CTNNBL1: variants seen among roughly 807,000 people sequenced by gnomAD.
CTNNBL1 encodes the protein beta-catenin-like protein 1.
A neutral mutation model predicts 72.7 loss-of-function variants in CTNNBL1; 31 were observed. The observed-to-expected ratio is 0.43, with a 90% CI of 0.32 to 0.58. The LOEUF is 0.58. CTNNBL1 is among the 20% of genes least tolerant of loss of function. The probability of loss-of-function intolerance (pLI) is 0.08; values close to 1 mark genes in which losing one functional copy is unlikely to be tolerated. For missense variants in CTNNBL1, 534 were observed against 725.1 expected (o/e 0.74, Z 3.03); for synonymous variants, 240 against 267.3 (o/e 0.90, Z 1.00).
chr20:37,843,264 G>GT (rs1267620202), intron 13 of CTNNBL1, among the ~76,000 whole-genome samples: 3 of 152,290 alleles, frequency 2.0e-5, no homozygotes, highest in Non-Finnish European at 4.4e-5. Context: ...TTGTGATCTT[G>GT]TTTTGCTGCA....
At chr20:37,710,213 A>G (rs1202569275) in intron 1 of CTNNBL1, among the ~76,000 whole-genome samples, 1 of 152,186 alleles carries the variant, frequency 6.6e-6, no homozygotes, top group African/African-American at 2.4e-5. Flanking sequence ...ACCTTTTGAA[A>G]TCTGGAAAGC....
chr20:37,815,277 A>G (rs1387474752), intron 11 of CTNNBL1, among the ~76,000 whole-genome samples: 1 of 150,572 alleles, frequency 6.6e-6, no homozygotes, highest in East Asian at 2.0e-4. Flanking sequence ...AGCAGTTTGG[A>G]GAGGTGAGCT....
chr20:37,704,883 T>G (rs1286472011), intron 1 of CTNNBL1, among the ~76,000 whole-genome samples: 1 of 152,238 alleles, frequency 6.6e-6, no homozygotes, highest in Non-Finnish European at 1.5e-5. Context: ...ACAGGTCTTC[T>G]TACTAAGTTG....
At chr20:37,716,650 G>T (rs2072988894) in intron 1 of CTNNBL1, among the ~76,000 whole-genome samples, 1 of 152,078 alleles carries the variant, frequency 6.6e-6, no homozygotes, top group African/African-American at 2.4e-5. Context: ...TGTCTTTGAT[G>T]GACCCATCAA....
intron 13 of CTNNBL1, among the ~76,000 whole-genome samples, chr20:37,844,840 C>T (rs555187865): frequency 2.0e-5 from 3 of 152,212 alleles, no homozygotes; most frequent in Admixed American, 6.5e-5. Flanking sequence ...CCCAGTTACT[C>T]GGGAGGCTGA....
intron 11 of CTNNBL1, among the ~76,000 whole-genome samples, chr20:37,821,331 C>A (rs1036071884): frequency 6.6e-6 from 1 of 152,176 alleles, no homozygotes; most frequent in Non-Finnish European, 1.5e-5. Context: ...CTATGCCTTA[C>A]GCGTGGGGGT....
At chr20:37,790,169 C>T (rs2073711107) in intron 10 of CTNNBL1, among the ~76,000 whole-genome samples, 1 of 152,076 alleles carries the variant, frequency 6.6e-6, no homozygotes, top group South Asian at 2.1e-4. Flanking sequence ...TTTCGCAGGC[C>T]CAATTCTGGA....
chr20:37,793,092 A>G (rs1266223704), intron 10 of CTNNBL1, among the ~76,000 whole-genome samples: 2 of 152,188 alleles, frequency 1.3e-5, no homozygotes, highest in Non-Finnish European at 2.9e-5. Context: ...GTATACTTGA[A>G]TATGTATTTG....
intron 11 of CTNNBL1, among the ~76,000 whole-genome samples, chr20:37,813,480 C>T (rs1238724852): frequency 1.3e-5 from 2 of 152,112 alleles, no homozygotes; most frequent in African/African-American, 4.8e-5. Flanking sequence ...TGATAGTTTC[C>T]GCTAATTAGC....
At chr20:37,840,867 G>A (rs1206519905) in intron 12 of CTNNBL1, among the ~76,000 whole-genome samples, 2 of 151,966 alleles carry the variant, frequency 1.3e-5, no homozygotes, top group Non-Finnish European at 2.9e-5. Flanking sequence ...TCGGGCTATG[G>A]AAGCTGGGAA....
chr20:37,857,626 G>C (rs1358526620), intron 13 of CTNNBL1, among the ~76,000 whole-genome samples: 4 of 152,180 alleles, frequency 2.6e-5, no homozygotes, highest in Non-Finnish European at 5.9e-5. Context: ...TGTCTAAATA[G>C]TCTCTGAAGG....
At chr20:37,808,999 C>T (rs1215359668) in intron 11 of CTNNBL1, among the ~76,000 whole-genome samples, 1 of 151,868 alleles carries the variant, frequency 6.6e-6, no homozygotes, top group Admixed American at 6.6e-5. Flanking sequence ...TCTCTTGAAC[C>T]AGTCCTTTTC....
chr20:37,863,647 G>T (rs1451415502), intron 15 of CTNNBL1, among the ~76,000 whole-genome samples: 1 of 152,108 alleles, frequency 6.6e-6, no homozygotes, highest in Non-Finnish European at 1.5e-5. Flanking sequence ...TGTAGTGTTG[G>T]GTGGGGTGTG....
At chr20:37,754,220 T>TATA (rs1284633793) in intron 4 of CTNNBL1, among the ~76,000 whole-genome samples, 1 of 152,186 alleles carries the variant, frequency 6.6e-6, no homozygotes, top group Non-Finnish European at 1.5e-5. Flanking sequence ...ACTTATTGCA[T>TATA]TATTGCATGC....
intron 7 of CTNNBL1, among the ~76,000 whole-genome samples, chr20:37,774,358 G>A (rs2073554983): frequency 6.6e-6 from 1 of 152,068 alleles, no homozygotes; most frequent in Admixed American, 6.6e-5. Context: ...GTGAGCATTG[G>A]GCCTTGGCAT....
At chr20:37,830,138 T>TA (rs397690341) in intron 11 of CTNNBL1, among the ~76,000 whole-genome samples, 16 of 151,938 alleles carry the variant, frequency 1.1e-4, no homozygotes, top group South Asian at 4.2e-4. Context: ...ATTTTTTTTT[T>TA]AAATTTTAAC....
chr20:37,738,880 C>T (rs1312373221), intron 3 of CTNNBL1, among the ~76,000 whole-genome samples: 1 of 152,198 alleles, frequency 6.6e-6, no homozygotes, highest in Non-Finnish European at 1.5e-5. Context: ...GTCTTCATGG[C>T]AACCTAGAGA....
At chr20:37,779,418 A>G (rs1442511248) in intron 10 of CTNNBL1, 83 bp downstream of exon 10, 26 of 1,493,842 alleles carry the variant, frequency 1.7e-5, no homozygotes, top group Non-Finnish European at 2.4e-5. Flanking sequence ...TGTAGCTATG[A>G]TCATTTATTC....
At position 37,871,987 on chromosome 20, in the gene CTNNBL1, A is replaced by G. The variant is rs772504452; in HGVS notation, c.1666A>G (p.Ile556Val). 3 of 1,614,118 alleles carry G rather than the reference A, an allele frequency of 1.9e-6. No homozygotes were observed. Among genetic ancestry groups the G allele is most frequent in the Non-Finnish European group, 2.5e-6 (3 of 1,180,004 alleles). The change falls in exon 16 of 16, where the codon ATC becomes GTC. Residue 556 changes from isoleucine (I) to valine (V), a missense_variant. Physicochemically the swap from Ile to Val is conservative, Grantham distance 29. Coordinates refer to ENST00000361383, the MANE Select transcript of CTNNBL1 (RefSeq NM_030877.5). ...GTTCCGGGAGAACGAGCAAAAGCGC[A>G]TCCTGGGCTTGCTGGAGAACTTCTA... Reference protein sequence around the residue: ...PEFRENEQKRILGLLENF With the variant: ...PEFRENEQKRVLGLLENF
Sources: gnomAD v4.1 joint callset for allele counts (sites outside exome capture counted in the v4.1 genomes callset) on GRCh38, gnomAD v4.1.1 for gene constraint, MANE v1.5 for transcripts, NCBI Gene and HGNC (gene_info 2026-07-23, HGNC 2026-07-21) for gene names.